The following SLIT1 variants were observed in gnomAD, a reference collection of about 807,000 sequenced individuals.
The protein encoded by SLIT1 is slit guidance ligand 1.
Under a neutral mutation model 186.1 loss-of-function variants are expected in SLIT1, and 66 were observed. The observed-to-expected ratio is 0.35, with a 90% CI of 0.29 to 0.44. The LOEUF is 0.44. Among genes scored for constraint, SLIT1 ranks in the 20% least tolerant of loss-of-function variants. The pLI is 1.00. For synonymous variants in SLIT1, 761 were observed against 833.8 expected (o/e 0.91, Z 1.50); for missense variants, 1,638 against 2,037.4 (o/e 0.80, Z 3.77).
At chr10:97,063,669 C>G (rs777920238) in intron 7 of SLIT1, 51 bp from the exon 8 acceptor site, 40 of 1,519,410 alleles carry the variant, frequency 2.6e-5, no homozygotes, top group African/African-American at 1.4e-4. Flanking sequence ...CCAGCCCAGC[C>G]TGATTGTGGG....
intron 25 of SLIT1, among the ~76,000 whole-genome samples, chr10:97,029,425 G>T (rs1016465184): frequency 6.6e-6 from 1 of 152,166 alleles, no homozygotes; most frequent in Non-Finnish European, 1.5e-5. Flanking sequence ...TGAGGATGGG[G>T]CTGACAGCAA....
chr10:97,173,031 C>T (rs940913331), intron 1 of SLIT1, among the ~76,000 whole-genome samples: 10 of 152,210 alleles, frequency 6.6e-5, no homozygotes, highest in Non-Finnish European at 8.8e-5. Context: ...AAGCTCCACA[C>T]GCAGAGGATG....
chr10:97,081,692 C>A (rs530406592), intron 4 of SLIT1, among the ~76,000 whole-genome samples: 4 of 152,336 alleles, frequency 2.6e-5, no homozygotes, highest in South Asian at 2.1e-4. Context: ...ACTTTCCAGG[C>A]AGGCAGAAAC....
At chr10:97,169,470 G>C (rs1442381669) in intron 1 of SLIT1, among the ~76,000 whole-genome samples, 4 of 152,236 alleles carry the variant, frequency 2.6e-5, no homozygotes, top group Non-Finnish European at 5.9e-5. Flanking sequence ...ATAAGGCAAG[G>C]AGGACATTTT....
In SLIT1 at chr10:97,123,288, C is replaced by T. The variant is rs559778695; in HGVS notation, c.413+34530G>A. ...AAAAATCTGACACCTTTTATCAGCACGCCACAGTTTTGCAAAACAATAGAT... is the reference window on the plus strand; with the variant it reads ...AAAAATCTGACACCTTTTATCAGCATGCCACAGTTTTGCAAAACAATAGAT... On this transcript the variant is annotated intron_variant, in intron 4 of 36. Coordinates refer to ENST00000266058, the MANE Select transcript of SLIT1 (RefSeq NM_003061.3). 3.7e-4 allele frequency among the ~76,000 whole-genome samples: 56 copies of T among 152,290 alleles called. 1 individual carries two copies. The highest frequency in any genetic ancestry group is 6.6e-4 in the Non-Finnish European group (45 of 68,036).
chr10:97,175,354 T>C (rs1233498277), intron 1 of SLIT1, among the ~76,000 whole-genome samples: 1 of 152,204 alleles, frequency 6.6e-6, no homozygotes, highest in Non-Finnish European at 1.5e-5. Flanking sequence ...ACTTTGAACA[T>C]AGGTGTACAC....
rs552879965 is a variant in SLIT1 at position 97,178,525 on chromosome 10, G to A, written c.197+6953C>T. The stretch of plus-strand genomic sequence containing the variant: ...ACCATGACCATTAAATGCCATGTGC[G>A]ATCCTGGCAGGATTGTGGACCTGGG... On this transcript the variant is annotated intron_variant, in intron 1 of 36. Coordinates refer to ENST00000266058, the MANE Select transcript of SLIT1 (RefSeq NM_003061.3). Among the ~76,000 whole-genome samples, 234 of 152,300 alleles carry A rather than the reference G, an allele frequency of 1.5e-3. 5 individuals carry two copies. The highest frequency in any genetic ancestry group is 3.4e-3 in the Middle Eastern group (1 of 294).
intron 4 of SLIT1, among the ~76,000 whole-genome samples, chr10:97,156,466 T>C (rs1849953902): frequency 6.6e-6 from 1 of 152,164 alleles, no homozygotes; most frequent in South Asian, 2.1e-4. Flanking sequence ...TAGTCCCAGC[T>C]ACTCTGGAGG....
At chr10:97,107,880 T>C (rs947112870) in intron 4 of SLIT1, among the ~76,000 whole-genome samples, 9 of 152,066 alleles carry the variant, frequency 5.9e-5, no homozygotes, top group African/African-American at 1.9e-4. Flanking sequence ...TCGAGGCCCA[T>C]GTCACCCACA....
At chr10:97,045,913 G>T (rs1038070293) in intron 18 of SLIT1, among the ~76,000 whole-genome samples, 28 of 152,178 alleles carry the variant, frequency 1.8e-4, no homozygotes, top group Non-Finnish European at 3.8e-4. Flanking sequence ...GCCACATGTA[G>T]CTATTTAGAT....
At chr10:97,147,460 C>T (rs1004508101) in intron 4 of SLIT1, among the ~76,000 whole-genome samples, 2 of 151,812 alleles carry the variant, frequency 1.3e-5, no homozygotes, top group African/African-American at 4.8e-5. Flanking sequence ...AAAAGTGTTA[C>T]AAAGGAAAAA....
intron 4 of SLIT1, among the ~76,000 whole-genome samples, chr10:97,106,575 T>A (rs1030732230): frequency 2.6e-5 from 4 of 152,098 alleles, no homozygotes; most frequent in Non-Finnish European, 4.4e-5. Context: ...GTCCCTGCAA[T>A]AACCCTGGGA....
intron 4 of SLIT1, among the ~76,000 whole-genome samples, chr10:97,157,152 G>T (rs1048296257): frequency 6.6e-6 from 1 of 152,186 alleles, no homozygotes; most frequent in Non-Finnish European, 1.5e-5. Flanking sequence ...GCCAAGCAAA[G>T]ACTGTGGGAC....
At chr10:97,067,615 C>T (rs1249300174) in intron 4 of SLIT1, among the ~76,000 whole-genome samples, 4 of 152,166 alleles carry the variant, frequency 2.6e-5, no homozygotes, top group East Asian at 3.9e-4. Flanking sequence ...TGTGCGGCAG[C>T]CCTGGGGGTA....
intron 4 of SLIT1, among the ~76,000 whole-genome samples, chr10:97,086,061 C>G (rs1849155907): frequency 6.6e-6 from 1 of 152,244 alleles, no homozygotes. Context: ...CCTCACAACA[C>G]TAAGCATACT....
At chr10:97,013,703 T>G in intron 30 of SLIT1, 38 bp downstream of exon 30, 123 of 1,431,048 alleles carry the variant, frequency 8.6e-5, no homozygotes, top group Middle Eastern at 1.7e-4. Flanking sequence ...CTCAGGGGCC[T>G]GAGCTCCTCC....
rs1848262584 is a variant in SLIT1 at position 96,998,040 on chromosome 10, A to AGAGT, written c.*3068_*3071dup. ...GTGGAGAAAAAGAGACCAACAAGGC[A>AGAGT]GAGTGACTCAATGTCATGTTCACAT... On this transcript the variant is annotated 3_prime_UTR_variant, in exon 37 of 37. Transcript: ENST00000266058. 6.6e-6 allele frequency: 1 copy of AGAGT among 152,570 alleles called. No homozygotes were observed. The highest frequency in any genetic ancestry group is 2.4e-5 in the African/African-American group (1 of 41,598). The allele number at this position is 152,570 out of a possible 1,614,324, so 9.5% of individuals were successfully genotyped here.
chr10:97,068,927 C>T lies in SLIT1; in HGVS notation c.414-2841G>A, dbSNP rs1164061257. ...CTTGAGAGGCTCATTTCAGTCTTTG[C>T]CTGCCTAATCCTTGTTATCATCTCT... On this transcript the variant is annotated intron_variant, in intron 4 of 36. Coordinates refer to ENST00000266058, the MANE Select transcript of SLIT1 (RefSeq NM_003061.3). The surrounding 1 kb of genome is among the most constrained non-coding windows in gnomAD (Gnocchi z 4.2). 6.6e-6 allele frequency among the ~76,000 whole-genome samples: 1 copy of T among 152,214 alleles called. No homozygotes were observed. Among genetic ancestry groups the T allele is most frequent in the African/African-American group, 2.4e-5 (1 of 41,448 alleles).
Position 97,001,258 on chromosome 10 carries a change from C to T in SLIT1, c.4459G>A (p.Glu1487Lys). 6.2e-7 allele frequency: 1 copy of T among 1,613,250 alleles called. No individual in the cohort carries two copies. The highest frequency in any genetic ancestry group is 8.5e-7 in the Non-Finnish European group (1 of 1,179,994). The change falls in exon 37 of 37, where the codon GAG becomes AAG. Residue 1487 changes from glutamate (E) to lysine (K), a missense_variant. Around this residue, in one of 3 missense-constraint regions of SLIT1, gnomAD observed 220 missense variants for 211.3 expected, o/e 1.04. Coordinates refer to ENST00000266058, the MANE Select transcript of SLIT1 (RefSeq NM_003061.3). ...CQTTRPLSWV[E>K]CRGSCPGQGC... ...TGGCCTGGGCACGAGCCCCGGCACT[C>T]CACCCATGACAGGGGGCGCGTGGTC... is the stretch of plus-strand genomic sequence containing the variant.
Sources: gnomAD v4.1 joint callset for allele counts (sites outside exome capture counted in the v4.1 genomes callset) on GRCh38, gnomAD v4.1.1 for gene constraint, gnomAD v4.1.1 regional missense constraint, Gnocchi (gnomAD v3.1) non-coding constraint, MANE v1.5 for transcripts, NCBI Gene and HGNC (gene_info 2026-07-23, HGNC 2026-07-21) for gene names.